The following PER2 variants were observed in gnomAD, a reference collection of about 807,000 sequenced individuals.
PER2 encodes period circadian protein homolog 2.
PER2 carries 66 observed loss-of-function variants against 121.0 expected under a neutral mutation model. That is an observed-to-expected ratio of 0.55 (90% confidence interval 0.45 to 0.67). PER2 has a LOEUF of 0.67. Among genes scored for constraint, PER2 ranks in the 30% least tolerant of loss-of-function variants. The pLI, the probability that PER2 is intolerant of heterozygous loss-of-function variation, is 0.00. For missense variants in PER2, 1,521 were observed against 1,635.0 expected, an observed-to-expected ratio of 0.93 and a Z score of 1.20; for synonymous variants, 684 against 659.9, an observed-to-expected ratio of 1.04 and a Z score of -0.56.
At chr2:238,287,211 A>G (rs1333111098) in intron 1 of PER2, among the ~76,000 whole-genome samples, 1 of 152,238 alleles carries the variant, frequency 6.6e-6, no homozygotes, top group African/African-American at 2.4e-5. Context: ...ACAGTGACAG[A>G]TAACTGCAAA....
intron 1 of PER2, among the ~76,000 whole-genome samples, chr2:238,285,396 G>A (rs1340665901): frequency 2.6e-5 from 4 of 152,254 alleles, no homozygotes; most frequent in South Asian, 2.1e-4. Context: ...TGGTGGGGTC[G>A]CATGGGTTCG....
Position 238,268,606 on chromosome 2 carries a change from C to T in PER2, c.824+317G>A, listed in dbSNP as rs1696185839. On this transcript the variant is annotated intron_variant, in intron 7 of 22. Transcript: ENST00000254657. The surrounding 1 kb of genome is among the most constrained non-coding windows in gnomAD (Gnocchi z 4.0). ...TTGTCGGGAAAGCTACGGGTCTCTC[C>T]CCAGAAAAACGCACAGACAACCAAA... Among the ~76,000 whole-genome samples, 1 of 152,152 alleles carries T rather than the reference C, an allele frequency of 6.6e-6. No individual in the cohort carries two copies. Among genetic ancestry groups the T allele is most frequent in the Non-Finnish European group, 1.5e-5 (1 of 68,028 alleles).
Position 238,253,517 on chromosome 2 carries a change from T to C in PER2, c.2506A>G (p.Thr836Ala), listed in dbSNP as rs1028205468. ...LNATAWSPSD[T>A]SQSSCPAVPF... ...ACGGCTGGGCAGCTGGACTGGGACG[T>C]GTCTGAGGGTGACCAGGCTGTGGCG... Residue 836 changes from threonine to alanine, a missense_variant, in exon 19 of 23, where the codon ACG (threonine) becomes GCG (alanine). By Grantham distance (58) the Thr-to-Ala change is moderately conservative (BLOSUM62 0). Coordinates refer to ENST00000254657, the MANE Select transcript of PER2 (RefSeq NM_022817.3). This position sits in a 1 kb window ranked among gnomAD's most constrained non-coding sequence, Gnocchi z 5.6. 10 of 1,611,428 alleles carry C rather than the reference T, an allele frequency of 6.2e-6. No homozygotes were observed. The highest frequency in any genetic ancestry group is 1.7e-4 in the Middle Eastern group (1 of 5,972).
At chr2:238,271,174 C>A (rs527290421) in intron 6 of PER2, 138 bp downstream of exon 6, 259 of 776,548 alleles carry the variant, frequency 3.3e-4, no homozygotes, top group Non-Finnish European at 5.6e-4. Flanking sequence ...TTACCTTTGC[C>A]AGAGCAGGCA....
At chr2:238,296,078 T>C in the PER2 span, among the ~76,000 whole-genome samples, 1 of 74,392 alleles carries the variant, frequency 1.3e-5, no homozygotes, top group Non-Finnish European at 2.8e-5. Context: ...GTCAGTCGTG[T>C]GCCCTCCTGC....
At chr2:238,258,207 G>A in intron 16 of PER2, 69 bp downstream of exon 16, 1 of 1,535,592 alleles carries the variant, frequency 6.5e-7, no homozygotes. Context: ...GAAGCCATGG[G>A]GACGTCTGAC....
rs1166310031 is a variant in PER2, at chr2:238,246,238, TG to T, written c.*136del. The T allele has an allele frequency of 2.3e-5, 13 of 569,502 alleles. No individual in the cohort carries two copies. The highest frequency in any genetic ancestry group is 4.9e-4 in the Middle Eastern group (1 of 2,030). 35.3% of individuals were successfully genotyped at this position (569,502 alleles called of 1,614,324 possible). The stretch of plus-strand genomic sequence containing the variant: ...AAGTCGCCCCTTCAGAAAACTATGT[TG>T]TTTTTTTTTCTAAAACAAAAAAAGC... On this transcript the variant is annotated 3_prime_UTR_variant, in exon 23 of 23. Transcript: ENST00000254657.
Position 238,251,726 on chromosome 2 carries a change from G to A in PER2, c.3147C>T (p.Ala1049=), listed in dbSNP as rs1695606947. Residue 1049 remains alanine, a synonymous_variant, in exon 20 of 23, where the codon GCC becomes GCT. Transcript: ENST00000254657. ...DEPSDTQNSD[A]LSTSSGLLNL... ...TTAGGAGGCCGCTTGACGTGGAAAG[G>A]GCGTCACTGTTCTGTGTGTCTGAGG... The A allele has an allele frequency of 1.2e-6, 2 of 1,614,014 alleles. No individual in the cohort carries two copies. Among genetic ancestry groups the A allele is most frequent in the East Asian group, 2.2e-5 (1 of 44,872 alleles).
At chr2:238,276,368 A>G (rs1391585993) in intron 3 of PER2, among the ~76,000 whole-genome samples, 4 of 152,252 alleles carry the variant, frequency 2.6e-5, no homozygotes, top group African/African-American at 4.8e-5. Flanking sequence ...CTCTAACCCA[A>G]CTGAATGCTG....
At chr2:238,287,501 C>G (rs78578280) in intron 1 of PER2, among the ~76,000 whole-genome samples, 2,355 of 152,308 alleles carry the variant, frequency 0.015, 43 homozygotes, top group South Asian at 0.071. Context: ...GGGCTTTAGC[C>G]ACCGTGTGGG....
In PER2 at chr2:238,284,621, A is replaced by G. The variant is rs186468333; in HGVS notation, c.-20+3728T>C. 1.8e-3 allele frequency among the ~76,000 whole-genome samples: 267 copies of G among 152,338 alleles called. 2 individuals carry two copies. Among genetic ancestry groups the G allele is most frequent in the African/African-American group, 6.0e-3 (251 of 41,578 alleles). ...GGCAGTCCTTAGAGGAGCATCAGGT[A>G]TCTGAAGCCACCATGCTGTCTGGGC... On this transcript the variant is annotated intron_variant, in intron 1 of 22. Transcript: ENST00000254657.
Position 238,245,360 on chromosome 2 carries a change from C to G in PER2, c.*1015G>C, listed in dbSNP as rs909734723. 1.6e-5 allele frequency: 6 copies of G among 384,964 alleles called. No individual in the cohort carries two copies. Among genetic ancestry groups the G allele is most frequent in the African/African-American group, 1.2e-4 (6 of 48,364 alleles). 23.8% of individuals were successfully genotyped at this position (384,964 alleles called of 1,614,324 possible). On this transcript the variant is annotated 3_prime_UTR_variant, in exon 23 of 23. Coordinates refer to ENST00000254657, the MANE Select transcript of PER2 (RefSeq NM_022817.3). ...AGGGCTGTGCACCCAACCCAGGGTG[C>G]AGTGGGAGAGGTGAGCTCACTGCAC...
Position 238,268,191 on chromosome 2 carries a change from T to C in PER2, c.832A>G (p.Lys278Glu), listed in dbSNP as rs1252374833. 6.2e-7 allele frequency: 1 copy of C among 1,613,806 alleles called. No individual in the cohort carries two copies. Among genetic ancestry groups the C allele is most frequent in the Admixed American group, 1.7e-5 (1 of 60,006 alleles). ...TAGCGGATTTCATTCTCGTGGCTTT[T>C]CCGGACACTGCGGAGAAGAGCCACG... Reference protein sequence around the residue: ...KSFFCRVSVRKSHENEIRYHP... With the variant: ...KSFFCRVSVRESHENEIRYHP... The change falls in exon 8 of 23, where the codon AAA becomes GAA. Residue 278 changes from lysine (K) to glutamate (E), a missense_variant. Coordinates refer to ENST00000254657, the MANE Select transcript of PER2 (RefSeq NM_022817.3). This position sits in a 1 kb window ranked among gnomAD's most constrained non-coding sequence, Gnocchi z 4.0.
chr2:238,276,784 C>T (rs1471661075), intron 3 of PER2, among the ~76,000 whole-genome samples: 1 of 152,194 alleles, frequency 6.6e-6, no homozygotes, highest in Non-Finnish European at 1.5e-5. Flanking sequence ...CCGGGTTCTG[C>T]TCCCGAGGTG....
chr2:238,295,350 C>T, the PER2 span: 1 of 149,972 alleles, frequency 6.7e-6, no homozygotes, highest in Non-Finnish European at 1.5e-5. Context: ...CTTCTCCTTC[C>T]CCTCCTTCTT....
intron 1 of PER2, among the ~76,000 whole-genome samples, chr2:238,280,876 T>C (rs1696608964): frequency 6.6e-6 from 1 of 152,062 alleles, no homozygotes; most frequent in South Asian, 2.1e-4. Flanking sequence ...AACGGTATCT[T>C]CAAGGATAAA....
intron 4 of PER2, among the ~76,000 whole-genome samples, chr2:238,274,265 C>T (rs150154216): frequency 3.2e-3 from 492 of 152,306 alleles, no homozygotes; most frequent in Admixed American, 5.6e-3. Context: ...TCACTCCAGG[C>T]GGGAGCAAAG....
chr2:238,261,026 C>T lies in PER2; in HGVS notation c.1417-73G>A, dbSNP rs1574846920. The stretch of plus-strand genomic sequence containing the variant: ...CTATGCATGTGGCCCCCTGCCAACA[C>T]ACCCTGTTTCGCAGAGAGGATGGCG... On this transcript the variant is annotated intron_variant, in intron 12 of 22. Transcript: ENST00000254657. 20 of 1,560,304 alleles carry T rather than the reference C, an allele frequency of 1.3e-5. No individual in the cohort carries two copies. In the South Asian group the frequency reaches 1.9e-4, roughly 15 times the overall value.
upstream of PER2, among the ~76,000 whole-genome samples, chr2:238,292,531 A>G (rs1306419939): frequency 6.6e-6 from 1 of 152,166 alleles, no homozygotes; most frequent in Admixed American, 6.5e-5. Context: ...GAATGGTGAG[A>G]GTGGGCATCC....
Sources: gnomAD v4.1 joint callset for allele counts (sites outside exome capture counted in the v4.1 genomes callset) on GRCh38, gnomAD v4.1.1 for gene constraint, Gnocchi (gnomAD v3.1) non-coding constraint, MANE v1.5 for transcripts, NCBI Gene and HGNC (gene_info 2026-07-23, HGNC 2026-07-21) for gene names.